Variants in TBC1D9 observed in about 807,000 individuals in gnomAD.
TBC1D9 encodes TBC1 domain family member 9A.
Under a neutral mutation model 132.0 loss-of-function variants are expected in TBC1D9, and 63 were observed. The ratio of observed to expected loss-of-function variants is 0.48; its 90% CI spans 0.39 to 0.59. The LOEUF is 0.59. Ranked by LOEUF, TBC1D9 falls within the 20% of genes least tolerant of loss-of-function variation. The probability of loss-of-function intolerance (pLI) is 0.00; values close to 1 mark genes in which losing one functional copy is unlikely to be tolerated. For missense variants in TBC1D9, 1,261 were observed against 1,592.7 expected (o/e 0.79, Z 3.54); for synonymous variants, 610 against 609.9 (o/e 1.00, Z 0.00).
intron 1 of TBC1D9, among the ~76,000 whole-genome samples, chr4:140,749,992 C>T (rs1031118858): frequency 6.6e-6 from 1 of 151,836 alleles, no homozygotes; most frequent in Non-Finnish European, 1.5e-5. Flanking sequence ...AGTTACCACA[C>T]TAACAGGATA....
At chr4:140,690,441 C>T (rs902644588) in intron 2 of TBC1D9, among the ~76,000 whole-genome samples, 2 of 152,138 alleles carry the variant, frequency 1.3e-5, no homozygotes, top group Non-Finnish European at 2.9e-5. Flanking sequence ...TGTCTATCTT[C>T]CTTTACCAGC....
chr4:140,628,760 G>T (rs1396116687), intron 16 of TBC1D9, among the ~76,000 whole-genome samples: 1 of 152,126 alleles, frequency 6.6e-6, no homozygotes, highest in Non-Finnish European at 1.5e-5. Flanking sequence ...CATGTGATTG[G>T]GGCACAACAT....
At chr4:140,693,381 C>A (rs183477338) in intron 2 of TBC1D9, among the ~76,000 whole-genome samples, 30 of 152,270 alleles carry the variant, frequency 2.0e-4, no homozygotes, top group Admixed American at 4.6e-4. Context: ...ATGAGTGAGG[C>A]GATATTACTT....
chr4:140,639,068 A>G lies in TBC1D9; in HGVS notation c.2505+18T>C. On this transcript the variant is annotated intron_variant, in intron 15 of 20. Coordinates refer to ENST00000442267, the MANE Select transcript of TBC1D9 (RefSeq NM_015130.3). Reference sequence around the variant, plus strand: ...CCTTTACTCCTTTGAATGGGCATGAATTTACCTTGCAACTCACCTTGAAAA... The same window carrying G: ...CCTTTACTCCTTTGAATGGGCATGAGTTTACCTTGCAACTCACCTTGAAAA... 6.4e-7 allele frequency: 1 copy of G among 1,567,998 alleles called. No homozygotes were observed. The highest frequency in any genetic ancestry group is 1.2e-5 in the South Asian group (1 of 84,336).
intron 15 of TBC1D9, 40 bp from the exon 16 acceptor site, chr4:140,634,228 A>C (rs1736842726): frequency 6.3e-7 from 1 of 1,592,926 alleles, no homozygotes; most frequent in Non-Finnish European, 8.5e-7. Context: ...CCTCTTTTGC[A>C]GCAAATACCA....
At chr4:140,681,796 A>G (rs1330287177) in intron 3 of TBC1D9, among the ~76,000 whole-genome samples, 2 of 152,154 alleles carry the variant, frequency 1.3e-5, no homozygotes, top group African/African-American at 2.4e-5. Context: ...TTAACCCATA[A>G]AATCTGCTCT....
intron 18 of TBC1D9, among the ~76,000 whole-genome samples, chr4:140,625,577 A>G (rs1736693095): frequency 6.6e-6 from 1 of 152,226 alleles, no homozygotes; most frequent in Non-Finnish European, 1.5e-5. Context: ...CACAGTGAGG[A>G]AAGTGTACTA....
intron 16 of TBC1D9, among the ~76,000 whole-genome samples, chr4:140,632,989 G>C (rs757740417): frequency 6.6e-6 from 1 of 152,144 alleles, no homozygotes; most frequent in Non-Finnish European, 1.5e-5. Context: ...GTATAGATGA[G>C]TACTTTATAC....
intron 13 of TBC1D9, among the ~76,000 whole-genome samples, chr4:140,649,834 C>T (rs980348618): frequency 1.3e-5 from 2 of 152,164 alleles, no homozygotes; most frequent in African/African-American, 2.4e-5. Flanking sequence ...ATGGGTGGCC[C>T]TTTCTAGGGT....
chr4:140,650,138 A>G (rs1737165418), intron 13 of TBC1D9, among the ~76,000 whole-genome samples: 1 of 152,244 alleles, frequency 6.6e-6, no homozygotes, highest in African/African-American at 2.4e-5. Flanking sequence ...TGCTGATTAA[A>G]TTACAAAAAA....
intron 13 of TBC1D9, among the ~76,000 whole-genome samples, chr4:140,651,317 G>C (rs538024514): frequency 1.8e-4 from 28 of 152,202 alleles, no homozygotes; most frequent in Admixed American, 1.6e-3. Flanking sequence ...ACAAAAATTA[G>C]CCAGGTGTAG....
chr4:140,724,097 C>T (rs554601046), intron 1 of TBC1D9, among the ~76,000 whole-genome samples: 28 of 152,226 alleles, frequency 1.8e-4, no homozygotes, highest in African/African-American at 4.1e-4. Flanking sequence ...GCTTTCTGAA[C>T]GCATTTGAGA....
chr4:140,697,213 C>CA (rs1485411615), intron 2 of TBC1D9, among the ~76,000 whole-genome samples: 8 of 151,726 alleles, frequency 5.3e-5, no homozygotes, highest in Non-Finnish European at 1.0e-4. Context: ...CCTGTCTCTA[C>CA]AAAAAAATAA....
chr4:140,651,100 T>C (rs1323534538), intron 13 of TBC1D9, among the ~76,000 whole-genome samples: 4 of 152,210 alleles, frequency 2.6e-5, no homozygotes, highest in African/African-American at 9.6e-5. Flanking sequence ...ATTAGTATGG[T>C]AGCTTTTATT....
At chr4:140,754,889 AATC>A (rs1458849597) in intron 1 of TBC1D9, among the ~76,000 whole-genome samples, 15 of 152,200 alleles carry the variant, frequency 9.9e-5, no homozygotes, top group Admixed American at 9.8e-4. Context: ...TTATAAATAT[AATC>A]ATAAGTAAAT....
intron 9 of TBC1D9, among the ~76,000 whole-genome samples, chr4:140,665,706 T>G (rs1197772400): frequency 6.6e-6 from 1 of 152,146 alleles, no homozygotes; most frequent in African/African-American, 2.4e-5. Context: ...AGAGAGGGTC[T>G]TGCTGAGTCA....
intron 1 of TBC1D9, among the ~76,000 whole-genome samples, chr4:140,746,129 AC>A (rs1738832784): frequency 6.6e-6 from 1 of 152,166 alleles, no homozygotes; most frequent in Admixed American, 6.5e-5. Flanking sequence ...GAATTTGTTC[AC>A]CCATGTTTCA....
At chr4:140,664,039 C>CAAAAAAAAAAAA (rs1560877849) in intron 9 of TBC1D9, among the ~76,000 whole-genome samples, 1 of 81,250 alleles carries the variant, frequency 1.2e-5, no homozygotes, top group Non-Finnish European at 2.9e-5. Flanking sequence ...ACTCTCCCCA[C>CAAAAAAAAAAAA]CAAAAAAAAA....
At chr4:140,625,598 G>A (rs1736693930) in intron 18 of TBC1D9, among the ~76,000 whole-genome samples, 1 of 152,068 alleles carries the variant, frequency 6.6e-6, no homozygotes. Context: ...TGTGTTGTTG[G>A]GAAATTCCTC....
Sources: allele counts gnomAD v4.1 joint callset (sites outside exome capture counted in the v4.1 genomes callset), GRCh38; gene constraint gnomAD v4.1.1; transcripts MANE v1.5; gene names NCBI Gene and HGNC (gene_info 2026-07-23, HGNC 2026-07-21).